The following NRXN3 variants were observed in gnomAD, a reference collection of about 807,000 sequenced individuals.
The protein encoded by NRXN3 is neurexin 3.
NRXN3 carries 32 observed loss-of-function variants against 137.6 expected under a neutral mutation model. The observed-to-expected ratio is 0.23, with a 90% CI of 0.18 to 0.31. NRXN3 has a LOEUF of 0.31. NRXN3 is among the 10% of genes least tolerant of loss of function. The probability of loss-of-function intolerance (pLI) is 1.00; values close to 1 mark genes in which losing one functional copy is unlikely to be tolerated. For missense variants in NRXN3, 1,574 were observed against 2,062.5 expected (o/e 0.76, Z 4.59); for synonymous variants, 798 against 784.5 (o/e 1.02, Z -0.29).
chr14:78,286,028 T>G (rs1482919063), intron 3 of NRXN3, among the ~76,000 whole-genome samples: 1 of 152,174 alleles, frequency 6.6e-6, no homozygotes, highest in East Asian at 1.9e-4. Context: ...GGGATGCAGA[T>G]CACTGGGCCT....
chr14:79,130,402 T>TTACTTTA (rs1424304182), intron 15 of NRXN3, among the ~76,000 whole-genome samples: 54 of 152,196 alleles, frequency 3.5e-4, no homozygotes, highest in African/African-American at 1.2e-3. Context: ...AGCATTTGCT[T>TTACTTTA]GTCTGTAACG....
intron 10 of NRXN3, among the ~76,000 whole-genome samples, chr14:78,863,920 T>G (rs1020779168): frequency 6.6e-6 from 1 of 152,088 alleles, no homozygotes; most frequent in Non-Finnish European, 1.5e-5. Flanking sequence ...CTTGGTAAAA[T>G]GTAGGTTCAA....
intron 16 of NRXN3, among the ~76,000 whole-genome samples, chr14:79,576,417 T>C (rs890779210): frequency 3.9e-5 from 6 of 152,328 alleles, no homozygotes; most frequent in African/African-American, 1.2e-4. Context: ...AAGAGGCTCA[T>C]GTATTTATGT....
At chr14:79,435,694 G>A (rs1046328968) in intron 15 of NRXN3, among the ~76,000 whole-genome samples, 4 of 151,768 alleles carry the variant, frequency 2.6e-5, no homozygotes, top group Admixed American at 1.3e-4. Context: ...AAGTGCAGTG[G>A]CATGATCATA....
rs562888792 is a variant in NRXN3, at chr14:78,845,903, G to A, written c.2275+35559G>A. Among the ~76,000 whole-genome samples the A allele has an allele frequency of 2.3e-5, 3 of 133,250 alleles. No homozygotes were observed. In the South Asian group the frequency reaches 7.1e-4, roughly 32 times the overall value. The allele number at this position is 133,250 out of a possible 152,430, so 87.4% of individuals were successfully genotyped here. On this transcript the variant is annotated intron_variant, in intron 10 of 20. Coordinates refer to ENST00000335750, the MANE Select transcript of NRXN3 (RefSeq NM_001330195.2). ...TATTTCAGGACAGTATGAGTATGTT[G>A]GGGTGTGTGTGTGTGTGTGTGTGTG... is the stretch of plus-strand genomic sequence containing the variant.
chr14:78,765,960 C>T (rs1161279077), intron 8 of NRXN3, among the ~76,000 whole-genome samples: 1 of 152,054 alleles, frequency 6.6e-6, no homozygotes, highest in African/African-American at 2.4e-5. Context: ...GTGACTGTGC[C>T]CTGGAATCCT....
intron 16 of NRXN3, among the ~76,000 whole-genome samples, chr14:79,568,680 T>A (rs752871092): frequency 3.3e-5 from 5 of 152,168 alleles, no homozygotes; most frequent in Admixed American, 2.0e-4. Flanking sequence ...AGGACTGCAA[T>A]GTGTGATTCA....
At chr14:79,239,435 C>G (rs1188496462) in intron 15 of NRXN3, among the ~76,000 whole-genome samples, 1 of 151,960 alleles carries the variant, frequency 6.6e-6, no homozygotes, top group Non-Finnish European at 1.5e-5. Flanking sequence ...TAGGGAACCA[C>G]TGGTCATACA....
At position 79,448,504 on chromosome 14, in the gene NRXN3, TAGA is replaced by T. The variant is rs373378811; in HGVS notation, c.3263-18714_3263-18712del. Reference sequence around the variant, plus strand: ...AGTACCCAGAAAAGGGTCTAGCATATAGAAGGAGCATAATAAATATTTGTGAAT... The same window carrying T: ...AGTACCCAGAAAAGGGTCTAGCATATAGGAGCATAATAAATATTTGTGAAT... On this transcript the variant is annotated intron_variant, in intron 15 of 20. Transcript: ENST00000335750. Among the ~76,000 whole-genome samples the T allele has an allele frequency of 6.4e-3, 978 of 152,360 alleles. 8 individuals are homozygous for T. The highest frequency in any genetic ancestry group is 0.022 in the African/African-American group (904 of 41,586).
chr14:79,110,150 GA>G (rs1001631464), intron 15 of NRXN3, among the ~76,000 whole-genome samples: 5 of 151,910 alleles, frequency 3.3e-5, no homozygotes, highest in African/African-American at 9.7e-5. Context: ...GTTGCAATGG[GA>G]AAAAAATTCA....
intron 20 of NRXN3, among the ~76,000 whole-genome samples, chr14:79,858,424 G>A (rs1216784448): frequency 6.6e-6 from 1 of 152,088 alleles, no homozygotes; most frequent in Non-Finnish European, 1.5e-5. Flanking sequence ...CCCACTTAAA[G>A]GGACACTAGC....
At chr14:79,404,617 C>T (rs1026501728) in intron 15 of NRXN3, among the ~76,000 whole-genome samples, 1 of 151,886 alleles carries the variant, frequency 6.6e-6, no homozygotes, top group Non-Finnish European at 1.5e-5. Context: ...GCATACACTG[C>T]GATTAAATAT....
intron 15 of NRXN3, among the ~76,000 whole-genome samples, chr14:79,197,851 ACAGC>A (rs2065351791): frequency 6.6e-6 from 1 of 152,154 alleles, no homozygotes; most frequent in African/African-American, 2.4e-5. Flanking sequence ...CCACTGTAGG[ACAGC>A]TTTCAAAATT....
intron 15 of NRXN3, among the ~76,000 whole-genome samples, chr14:79,321,992 C>T (rs1462821924): frequency 2.0e-5 from 3 of 151,804 alleles, no homozygotes; most frequent in African/African-American, 7.3e-5. Flanking sequence ...GTAATCCCAG[C>T]ATTCTGGGAG....
intron 4 of NRXN3, among the ~76,000 whole-genome samples, chr14:78,566,785 T>C (rs2096840503): frequency 6.6e-6 from 1 of 152,154 alleles, no homozygotes; most frequent in African/African-American, 2.4e-5. Flanking sequence ...GTGTGGAAAG[T>C]GCTAAGCTCT....
At chr14:79,495,193 C>T (rs1013592900) in intron 16 of NRXN3, among the ~76,000 whole-genome samples, 5 of 152,138 alleles carry the variant, frequency 3.3e-5, no homozygotes, top group African/African-American at 1.2e-4. Flanking sequence ...CAAGGCCAGC[C>T]TTGTCATTGA....
intron 15 of NRXN3, among the ~76,000 whole-genome samples, chr14:79,362,198 G>A (rs940871930): frequency 3.8e-4 from 57 of 151,182 alleles, no homozygotes; most frequent in African/African-American, 9.7e-4. Context: ...TGTGCACAAC[G>A]TGCAGGATTG....
chr14:78,595,762 A>T (rs764202089), intron 4 of NRXN3, among the ~76,000 whole-genome samples: 3 of 152,158 alleles, frequency 2.0e-5, no homozygotes, highest in Non-Finnish European at 4.4e-5. Context: ...GAGACGTAGA[A>T]TTGAGGTCCA....
chr14:78,830,958 A>G (rs1407249160), intron 10 of NRXN3, among the ~76,000 whole-genome samples: 1 of 152,332 alleles, frequency 6.6e-6, no homozygotes, highest in East Asian at 1.9e-4. Flanking sequence ...AATATTTCAC[A>G]TATTCTTACG....
Sources: allele counts gnomAD v4.1 joint callset (sites outside exome capture counted in the v4.1 genomes callset), GRCh38; gene constraint gnomAD v4.1.1; transcripts MANE v1.5; gene names NCBI Gene and HGNC (gene_info 2026-07-23, HGNC 2026-07-21).